The following DOK5 variants were observed in gnomAD, a reference collection of about 807,000 sequenced individuals.
DOK5 encodes downstream of tyrosine kinase 5.
Under a neutral mutation model 43.3 loss-of-function variants are expected in DOK5, and 27 were observed. The observed-to-expected ratio is 0.62, with a 90% CI of 0.46 to 0.86. The LOEUF (loss-of-function observed/expected upper bound fraction) is 0.86. Ranked by LOEUF, DOK5 falls within the 40% of genes least tolerant of loss-of-function variation. DOK5 has a pLI of 0.00. For synonymous variants in DOK5, 146 were observed against 140.1 expected, an observed-to-expected ratio of 1.04 and a Z score of -0.30; for missense variants, 373 against 392.9, an observed-to-expected ratio of 0.95 and a Z score of 0.43.
intron 1 of DOK5, among the ~76,000 whole-genome samples, chr20:54,536,285 C>A (rs547222442): frequency 6.6e-6 from 1 of 152,132 alleles, no homozygotes; most frequent in Non-Finnish European, 1.5e-5. Flanking sequence ...CATCAGTGGC[C>A]TTAGTCACTG....
Position 54,644,718 on chromosome 20 carries a change from A to AAAAAAAAAAAAAAAAAAAAAAC in DOK5, c.856+1146_856+1147insAAAAAAAAAAAAAAACAAAAAA, listed in dbSNP as rs1555839806. ...GAGACTCCGTCTCAAAAAAAAAAAA[A>AAAAAAAAAAAAAAAAAAAAAAC]AAAAAACAAAATTTAGCTGGGCGTG... On this transcript the variant is annotated intron_variant, in intron 7 of 7. Transcript: ENST00000262593. Among the ~76,000 whole-genome samples the AAAAAAAAAAAAAAAAAAAAAAC allele has an allele frequency of 3.6e-4, 52 of 142,532 alleles. 1 individual carries two copies. The highest frequency in any genetic ancestry group is 1.5e-3 in the African/African-American group (51 of 34,118). 93.5% of individuals were successfully genotyped at this position (142,532 alleles called of 152,430 possible).
At chr20:54,553,534 C>G (rs1984602480) in intron 1 of DOK5, among the ~76,000 whole-genome samples, 1 of 151,298 alleles carries the variant, frequency 6.6e-6, no homozygotes, top group East Asian at 2.0e-4. Context: ...GTCAAGCGAC[C>G]TTTAAAGATG....
intron 2 of DOK5, among the ~76,000 whole-genome samples, chr20:54,565,827 C>T (rs935411682): frequency 7.2e-5 from 11 of 151,974 alleles, no homozygotes; most frequent in African/African-American, 2.7e-4. Context: ...TCATCCTGGC[C>T]AACAGGGTGA....
intron 5 of DOK5, among the ~76,000 whole-genome samples, chr20:54,594,322 G>A (rs1470783880): frequency 6.6e-6 from 1 of 152,172 alleles, no homozygotes; most frequent in Non-Finnish European, 1.5e-5. Flanking sequence ...AGCCTGGGAG[G>A]TCGAGGCTAC....
At chr20:54,487,612 T>A (rs1287492501) in intron 1 of DOK5, among the ~76,000 whole-genome samples, 1 of 152,156 alleles carries the variant, frequency 6.6e-6, no homozygotes, top group Non-Finnish European at 1.5e-5. Flanking sequence ...ACTTATTTTT[T>A]AAAATAGGTT....
chr20:54,635,646 C>A (rs1166025051), intron 6 of DOK5, among the ~76,000 whole-genome samples: 3 of 152,194 alleles, frequency 2.0e-5, no homozygotes, highest in Non-Finnish European at 4.4e-5. Flanking sequence ...TGATTGATGT[C>A]TTATGTCTCC....
chr20:54,580,354 A>G (rs4811508), intron 2 of DOK5, among the ~76,000 whole-genome samples: 6,605 of 152,248 alleles, frequency 0.043, 195 homozygotes, highest in Admixed American at 0.069. Context: ...ATTTTTTTGA[A>G]TAAATACTCA....
rs775419478 is a variant in DOK5, at chr20:54,476,015, G to A, written c.66+3G>A. The A allele has an allele frequency of 3.7e-6, 6 of 1,613,100 alleles. No individual in the cohort carries two copies. In the East Asian group the frequency reaches 1.3e-4, roughly 36 times the overall value. ...GGATCCGGAGCAGACGCCTCGGGGT[G>A]AGTATCGATCCTCTCCGTGTTGCTG... On this transcript the variant is annotated splice_donor_region_variant and intron_variant, in intron 1 of 7. Coordinates refer to ENST00000262593, the MANE Select transcript of DOK5 (RefSeq NM_018431.5).
intron 1 of DOK5, among the ~76,000 whole-genome samples, chr20:54,511,025 C>T (rs917023715): frequency 6.6e-6 from 1 of 152,212 alleles, no homozygotes; most frequent in Non-Finnish European, 1.5e-5. Flanking sequence ...TTATTATTTT[C>T]TACGGGCTCA....
At chr20:54,563,740 C>G (rs545466026) in intron 2 of DOK5, among the ~76,000 whole-genome samples, 30 of 144,134 alleles carry the variant, frequency 2.1e-4, no homozygotes, top group Non-Finnish European at 3.6e-4. Context: ...TGGGCTCGCT[C>G]TTGTCACACG....
chr20:54,608,670 T>C (rs987616579), intron 5 of DOK5, among the ~76,000 whole-genome samples: 3 of 137,436 alleles, frequency 2.2e-5, no homozygotes, highest in Non-Finnish European at 4.6e-5. Flanking sequence ...TCTTCTTCTT[T>C]TTTTTTTTTT....
At chr20:54,512,294 A>G (rs1983039809) in intron 1 of DOK5, among the ~76,000 whole-genome samples, 1 of 152,258 alleles carries the variant, frequency 6.6e-6, no homozygotes, top group African/African-American at 2.4e-5. Context: ...AGAGCCATCC[A>G]TAATGCAGTC....
chr20:54,535,032 C>T (rs957862534), intron 1 of DOK5, among the ~76,000 whole-genome samples: 1 of 152,066 alleles, frequency 6.6e-6, no homozygotes, highest in Non-Finnish European at 1.5e-5. Context: ...CAGGGTTTCA[C>T]CATCTTGGCC....
intron 1 of DOK5, among the ~76,000 whole-genome samples, chr20:54,485,355 A>G (rs1179497911): frequency 1.7e-5 from 2 of 115,872 alleles, no homozygotes; most frequent in Non-Finnish European, 3.6e-5. Flanking sequence ...CTCCGTCTCA[A>G]AAAAAAAAAA....
chr20:54,642,315 A>G (rs990990971), intron 6 of DOK5, among the ~76,000 whole-genome samples: 13 of 152,040 alleles, frequency 8.6e-5, no homozygotes, highest in African/African-American at 3.1e-4. Flanking sequence ...TCCTCCCTCA[A>G]TGTCTGGAAC....
chr20:54,558,536 A>T (rs1984792016), intron 2 of DOK5, among the ~76,000 whole-genome samples: 1 of 152,224 alleles, frequency 6.6e-6, no homozygotes, highest in South Asian at 2.1e-4. Flanking sequence ...AGCTGGAGTA[A>T]TTCTGAGATA....
chr20:54,499,851 G>C (rs1490069485), intron 1 of DOK5, among the ~76,000 whole-genome samples: 1 of 152,196 alleles, frequency 6.6e-6, no homozygotes, highest in Admixed American at 6.5e-5. Flanking sequence ...TTTGGGCTTG[G>C]AGGGATGCAC....
chr20:54,580,779 C>G (rs981786832), intron 2 of DOK5, among the ~76,000 whole-genome samples: 2 of 152,060 alleles, frequency 1.3e-5, no homozygotes, highest in Non-Finnish European at 2.9e-5. Context: ...TGGCTATTAA[C>G]CCTTTATCAA....
intron 1 of DOK5, among the ~76,000 whole-genome samples, chr20:54,528,114 A>G (rs937662969): frequency 2.6e-5 from 4 of 152,164 alleles, no homozygotes; most frequent in African/African-American, 9.7e-5. Context: ...AGGCTGAGGC[A>G]GGAGAATCAC....
Sources: gnomAD v4.1 joint callset for allele counts (sites outside exome capture counted in the v4.1 genomes callset) on GRCh38, gnomAD v4.1.1 for gene constraint, MANE v1.5 for transcripts, NCBI Gene and HGNC (gene_info 2026-07-23, HGNC 2026-07-21) for gene names.